EPHA5: variants seen among roughly 807,000 people sequenced by gnomAD.
The protein encoded by EPHA5 is ephrin type-A receptor 5.
EPHA5 carries 60 observed loss-of-function variants against 105.0 expected under a neutral mutation model. That is an observed-to-expected ratio of 0.57 (90% CI 0.46 to 0.71). EPHA5 has a LOEUF of 0.71. Ranked by LOEUF, EPHA5 falls within the 30% of genes least tolerant of loss-of-function variation. EPHA5 has a pLI of 0.00. For missense variants in EPHA5, 1,218 were observed against 1,274.7 expected (o/e 0.96, Z 0.68); for synonymous variants, 513 against 449.1 (o/e 1.14, Z -1.80).
chr4:65,385,486 A>G (rs1488047910), intron 8 of EPHA5, among the ~76,000 whole-genome samples: 2 of 151,968 alleles, frequency 1.3e-5, no homozygotes, highest in African/African-American at 4.8e-5. Flanking sequence ...AACATACTCT[A>G]GAATGACTTA....
intron 3 of EPHA5, among the ~76,000 whole-genome samples, chr4:65,545,314 A>G (rs1007535716): frequency 9.2e-5 from 14 of 151,866 alleles, no homozygotes; most frequent in Non-Finnish European, 1.6e-4. Context: ...AGTAATCCCC[A>G]TAGATTTAGT....
chr4:65,332,087 C>T lies in EPHA5; in HGVS notation c.2831G>A (p.Gly944Glu). 6.2e-7 allele frequency: 1 copy of T among 1,608,480 alleles called. No individual in the cohort carries two copies. The highest frequency in any genetic ancestry group is 2.2e-5 in the East Asian group (1 of 44,750). ...LLAEHSPLGSGAYRSVGEWLE... is the reference protein window; with the variant it reads ...LLAEHSPLGSEAYRSVGEWLE... The stretch of plus-strand genomic sequence containing the variant: ...CCATTCACCTACTGATCTGTAGGCC[C>T]CAGATCCTAGTGGGCTATGTTCTGC... Residue 944 changes from glycine (G) to glutamate (E), a missense_variant, in exon 16 of 17, where the codon GGG (glycine) becomes GAG (glutamate). Physicochemically the swap from Gly to Glu is moderately conservative, Grantham distance 98. This residue lies in a region of EPHA5 where 971 missense variants were observed against 1,013.5 expected (regional missense o/e 0.96). Transcript: ENST00000613740.
intron 2 of EPHA5, among the ~76,000 whole-genome samples, chr4:65,621,135 C>A (rs1745671010): frequency 6.6e-6 from 1 of 152,018 alleles, no homozygotes; most frequent in Non-Finnish European, 1.5e-5. Context: ...AAGGATAAAA[C>A]CTAGTTTGAA....
chr4:65,635,142 C>G (rs1158301536), intron 2 of EPHA5, among the ~76,000 whole-genome samples: 15 of 100,792 alleles, frequency 1.5e-4, no homozygotes. Flanking sequence ...AAAGTAAGCA[C>G]AAAGGTTCTC....
intron 3 of EPHA5, among the ~76,000 whole-genome samples, chr4:65,496,961 T>A (rs576794582): frequency 1.3e-5 from 2 of 152,282 alleles, no homozygotes; most frequent in South Asian, 4.1e-4. Flanking sequence ...ATGAAGTAAA[T>A]CTTTTTATTC....
At chr4:65,441,817 A>G (rs1007607813) in intron 5 of EPHA5, among the ~76,000 whole-genome samples, 7 of 152,160 alleles carry the variant, frequency 4.6e-5, no homozygotes, top group Non-Finnish European at 7.4e-5. Context: ...ATCTAAGCTA[A>G]ATAGAATAAT....
chr4:65,388,520 T>G (rs77770339), intron 8 of EPHA5, among the ~76,000 whole-genome samples: 42 of 149,640 alleles, frequency 2.8e-4, no homozygotes, highest in South Asian at 4.3e-4. Flanking sequence ...CTAACTGTTG[T>G]GAGATGGTAT....
chr4:65,519,812 A>C (rs1400921220), intron 3 of EPHA5, among the ~76,000 whole-genome samples: 1 of 152,136 alleles, frequency 6.6e-6, no homozygotes, highest in Non-Finnish European at 1.5e-5. Context: ...TAGGAATCCA[A>C]CTTACAAGTG....
chr4:65,557,259 T>TATATATATATATATATATA (rs1560693532), intron 3 of EPHA5, among the ~76,000 whole-genome samples: 195 of 142,186 alleles, frequency 1.4e-3, no homozygotes, highest in African/African-American at 2.0e-3. Context: ...TATATATATA[T>TATATATATATATATATATA]TCTCACACTT....
At chr4:65,600,226 T>C (rs143637513) in intron 3 of EPHA5, among the ~76,000 whole-genome samples, 1 of 152,282 alleles carries the variant, frequency 6.6e-6, no homozygotes, top group Non-Finnish European at 1.5e-5. Flanking sequence ...AAGTAAAAGA[T>C]AATATTAGAA....
intron 7 of EPHA5, among the ~76,000 whole-genome samples, chr4:65,407,343 G>A (rs1248394698): frequency 6.6e-5 from 10 of 152,030 alleles, no homozygotes; most frequent in Admixed American, 6.6e-4. Context: ...CTTCAGATTG[G>A]CCAAAGTATT....
chr4:65,410,513 A>G (rs776008298), intron 7 of EPHA5, among the ~76,000 whole-genome samples: 11 of 152,182 alleles, frequency 7.2e-5, no homozygotes, highest in Non-Finnish European at 1.2e-4. Context: ...TCGGTGGTAG[A>G]TACACAAACT....
Position 65,391,123 on chromosome 4 carries a change from T to C in EPHA5, c.1793+13251A>G, listed in dbSNP as rs945458991. On this transcript the variant is annotated intron_variant, in intron 8 of 16. Coordinates refer to ENST00000613740, the MANE Select transcript of EPHA5 (RefSeq NM_001281766.3). The stretch of plus-strand genomic sequence containing the variant: ...TCTTGTAAGAACTCACTCAGGATCA[T>C]GAGAACAACATAGGGGAAACTGCCC... Among the ~76,000 whole-genome samples the C allele has an allele frequency of 2.0e-5, 3 of 152,072 alleles. No individual in the cohort carries two copies. The East Asian group carries it at 5.8e-4, about 29-fold the overall frequency.
At chr4:65,416,616 A>T (rs568765033) in intron 6 of EPHA5, among the ~76,000 whole-genome samples, 8 of 152,310 alleles carry the variant, frequency 5.3e-5, no homozygotes, top group African/African-American at 1.9e-4. Flanking sequence ...AACATATACA[A>T]GGAAACTGGG....
At chr4:65,561,963 C>T (rs941584883) in intron 3 of EPHA5, among the ~76,000 whole-genome samples, 1 of 151,978 alleles carries the variant, frequency 6.6e-6, no homozygotes, top group Admixed American at 6.6e-5. Context: ...AGTGATCATC[C>T]AAATCTGAAA....
At chr4:65,343,795 A>T (rs1460370474) in intron 14 of EPHA5, among the ~76,000 whole-genome samples, 2 of 152,180 alleles carry the variant, frequency 1.3e-5, no homozygotes, top group African/African-American at 4.8e-5. Flanking sequence ...TAATTGTATG[A>T]TCATTTTCTG....
At chr4:65,559,743 G>A (rs969419454) in intron 3 of EPHA5, among the ~76,000 whole-genome samples, 2 of 152,200 alleles carry the variant, frequency 1.3e-5, no homozygotes, top group East Asian at 3.9e-4. Flanking sequence ...AATAATGCCA[G>A]CAACTTCAGG....
At chr4:65,646,815 T>C (rs2149520745) in intron 1 of EPHA5, among the ~76,000 whole-genome samples, 1 of 152,248 alleles carries the variant, frequency 6.6e-6, no homozygotes, top group Non-Finnish European at 1.5e-5. Flanking sequence ...ATAAAATATT[T>C]TAGTCTTATT....
At chr4:65,405,582 G>A (rs2148994021) in intron 7 of EPHA5, among the ~76,000 whole-genome samples, 1 of 152,178 alleles carries the variant, frequency 6.6e-6, no homozygotes, top group East Asian at 1.9e-4. Context: ...GGACCCTCTT[G>A]CACTGATCTA....
Sources: gnomAD v4.1 joint callset for allele counts (sites outside exome capture counted in the v4.1 genomes callset) on GRCh38, gnomAD v4.1.1 for gene constraint, gnomAD v4.1.1 regional missense constraint, MANE v1.5 for transcripts, NCBI Gene and HGNC (gene_info 2026-07-23, HGNC 2026-07-21) for gene names.